The following HUNK variants were observed in gnomAD, a reference collection of about 807,000 sequenced individuals.
HUNK encodes hormonally up-regulated neu tumor-associated kinase.
Under a neutral mutation model 61.0 loss-of-function variants are expected in HUNK, and 21 were observed. That is an observed-to-expected ratio of 0.34 (90% CI 0.24 to 0.50). The LOEUF (loss-of-function observed/expected upper bound fraction) is 0.50. Among genes scored for constraint, HUNK ranks in the 20% least tolerant of loss-of-function variants. HUNK has a pLI of 0.98. For missense variants in HUNK, 772 were observed against 945.7 expected, an observed-to-expected ratio of 0.82 and a Z score of 2.41; for synonymous variants, 371 against 386.1, an observed-to-expected ratio of 0.96 and a Z score of 0.46.
chr21:31,925,172 G>A (rs16988644), intron 2 of HUNK, among the ~76,000 whole-genome samples: 8,624 of 152,230 alleles, frequency 0.057, 826 homozygotes, highest in African/African-American at 0.2. Context: ...TAATGCCAGT[G>A]TGAGGGTTAA....
At chr21:31,884,322 G>A (rs1401379281) in intron 1 of HUNK, among the ~76,000 whole-genome samples, 1 of 152,132 alleles carries the variant, frequency 6.6e-6, no homozygotes, top group Admixed American at 6.6e-5. Context: ...GCCAGGCATG[G>A]TGGCTCACAC....
At chr21:31,899,629 T>G (rs1394175658) in intron 1 of HUNK, among the ~76,000 whole-genome samples, 1 of 152,236 alleles carries the variant, frequency 6.6e-6, no homozygotes, top group Admixed American at 6.5e-5. Flanking sequence ...TAACCTATAA[T>G]GTGTTCTAAA....
chr21:31,994,894 C>T (rs2053193531), intron 9 of HUNK, among the ~76,000 whole-genome samples: 1 of 152,234 alleles, frequency 6.6e-6, no homozygotes, highest in Non-Finnish European at 1.5e-5. Context: ...TGGCTCACAT[C>T]TATAGTCCCA....
At chr21:31,917,785 C>T (rs1030110472) in intron 1 of HUNK, among the ~76,000 whole-genome samples, 2 of 150,024 alleles carry the variant, frequency 1.3e-5, no homozygotes, top group Admixed American at 6.7e-5. Flanking sequence ...AGTTCCCTGG[C>T]GGCATTGGCT....
chr21:31,942,803 A>T (rs1299067560), intron 3 of HUNK, among the ~76,000 whole-genome samples: 1 of 152,194 alleles, frequency 6.6e-6, no homozygotes, highest in African/African-American at 2.4e-5. Context: ...TTTGTTAAAG[A>T]TGCCAATTTG....
rs2052643949 is a variant in HUNK, at chr21:31,924,266, A to ATATG, written c.262-201_262-200insATGT. Among the ~76,000 whole-genome samples, 1 of 81,318 alleles carries ATATG rather than the reference A, an allele frequency of 1.2e-5. No individual in the cohort carries two copies. 53.3% of individuals were successfully genotyped at this position (81,318 alleles called of 152,430 possible). On this transcript the variant is annotated intron_variant, in intron 1 of 10. Coordinates refer to ENST00000270112, the MANE Select transcript of HUNK (RefSeq NM_014586.2). The surrounding 1 kb of genome is among the most constrained non-coding windows in gnomAD (Gnocchi z 5.1). ...TGATTTTTCCTAATGTTGTACCTAT[A>ATATG]TGTGTGTGTGTGTGTGTGTTTGTGT...
rs575329128 is a variant in HUNK, at chr21:31,949,724, C to T, written c.746+3553C>T. On this transcript the variant is annotated intron_variant, in intron 4 of 10. Coordinates refer to ENST00000270112, the MANE Select transcript of HUNK (RefSeq NM_014586.2). ...ATAAGGAAAAGAGCTCTATTTGGCT[C>T]ATGGTTCTGCAGGCTGTACAAGAAG... is the stretch of plus-strand genomic sequence containing the variant. 4.6e-4 allele frequency among the ~76,000 whole-genome samples: 70 copies of T among 152,258 alleles called. 1 individual carries two copies. Among genetic ancestry groups the T allele is most frequent in the Admixed American group, 3.8e-3 (58 of 15,292 alleles).
intron 4 of HUNK, among the ~76,000 whole-genome samples, chr21:31,958,024 C>T (rs1235252877): frequency 6.6e-6 from 1 of 152,182 alleles, no homozygotes; most frequent in African/African-American, 2.4e-5. Context: ...CAGCCTTTTC[C>T]AGGTACCACC....
chr21:31,918,766 A>G (rs2052602327), intron 1 of HUNK, among the ~76,000 whole-genome samples: 1 of 152,184 alleles, frequency 6.6e-6, no homozygotes, highest in Non-Finnish European at 1.5e-5. Context: ...CAGCCTCCCC[A>G]TCTGAAGACC....
rs115895521 is a variant in HUNK, at chr21:31,996,591, A to C, written c.1486+643A>C. ...GGCAGACCTTACTGGGCACAGGCTT[A>C]ACACATGGTAGAAACGCCAAGAGGG... On this transcript the variant is annotated intron_variant, in intron 10 of 10. Coordinates refer to ENST00000270112, the MANE Select transcript of HUNK (RefSeq NM_014586.2). 4.9e-3 allele frequency among the ~76,000 whole-genome samples: 743 copies of C among 152,306 alleles called. 8 individuals are homozygous for C. The highest frequency in any genetic ancestry group is 0.017 in the African/African-American group (717 of 41,544).
intron 4 of HUNK, among the ~76,000 whole-genome samples, chr21:31,951,303 C>T (rs913572362): frequency 6.6e-6 from 1 of 151,986 alleles, no homozygotes; most frequent in Non-Finnish European, 1.5e-5. Context: ...ACTTTTATTA[C>T]TGTGAATTGA....
At chr21:31,945,278 T>C (rs1238158780) in intron 3 of HUNK, among the ~76,000 whole-genome samples, 1 of 152,092 alleles carries the variant, frequency 6.6e-6, no homozygotes, top group Non-Finnish European at 1.5e-5. Context: ...AAGATAAACA[T>C]GGCGCAGAAG....
At chr21:31,885,294 C>G (rs551734521) in intron 1 of HUNK, among the ~76,000 whole-genome samples, 2 of 152,180 alleles carry the variant, frequency 1.3e-5, no homozygotes, top group South Asian at 4.1e-4. Context: ...ACAGTGCATG[C>G]GCCTTGGCAC....
At chr21:31,960,336 A>G (rs1780918688) in intron 5 of HUNK, among the ~76,000 whole-genome samples, 1 of 152,218 alleles carries the variant, frequency 6.6e-6, no homozygotes, top group South Asian at 2.1e-4. Context: ...TAAGTGCTCT[A>G]AAGAAAGTAA....
Position 31,924,020 on chromosome 21 carries a change from T to C in HUNK, c.262-448T>C, listed in dbSNP as rs1829158602. On this transcript the variant is annotated intron_variant, in intron 1 of 10. Coordinates refer to ENST00000270112, the MANE Select transcript of HUNK (RefSeq NM_014586.2). This position sits in a 1 kb window ranked among gnomAD's most constrained non-coding sequence, Gnocchi z 5.1. ...TTGGAACTAAGATTGGGGGAAGATT[T>C]AGCTGTTTCTGAAGTGGCTGGGGGT... Among the ~76,000 whole-genome samples, 1 of 152,098 alleles carries C rather than the reference T, an allele frequency of 6.6e-6. No homozygotes were observed. The highest frequency in any genetic ancestry group is 6.5e-5 in the Admixed American group (1 of 15,268).
intron 6 of HUNK, among the ~76,000 whole-genome samples, chr21:31,969,125 C>G (rs2052991861): frequency 1.3e-5 from 2 of 152,022 alleles, no homozygotes; most frequent in South Asian, 4.1e-4. Flanking sequence ...GATCCGCCTG[C>G]CTTGGCCTCC....
At position 31,974,671 on chromosome 21, in the gene HUNK, C is replaced by T; in HGVS notation, c.1127C>T (p.Ala376Val). The T allele has an allele frequency of 6.2e-7, 1 of 1,613,946 alleles. No individual in the cohort carries two copies. The highest frequency in any genetic ancestry group is 8.5e-7 in the Non-Finnish European group (1 of 1,179,948). ...VLSNRACHIL[A>V]IYFLLNKKLE... Reference sequence around the variant, plus strand: ...TCCAACCGCGCCTGCCACATCCTGGCCATCTACTTCCTCTTAAACAAGAAA... The same window carrying T: ...TCCAACCGCGCCTGCCACATCCTGGTCATCTACTTCCTCTTAAACAAGAAA... The change falls in exon 7 of 11, where the codon GCC becomes GTC. Residue 376 changes from alanine to valine, a missense_variant. Physicochemically the swap from Ala to Val is moderately conservative, Grantham distance 64 (BLOSUM62 0). Around this residue, in one of 2 missense-constraint regions of HUNK, gnomAD observed 413 missense variants for 444.4 expected, o/e 0.93. Transcript: ENST00000270112.
intron 2 of HUNK, among the ~76,000 whole-genome samples, chr21:31,933,901 A>G (rs1332472906): frequency 1.3e-5 from 2 of 152,114 alleles, no homozygotes; most frequent in African/African-American, 2.4e-5. Flanking sequence ...CCATGAAAGA[A>G]GTTAATCAGA....
At chr21:31,920,252 C>T (rs1345342328) in intron 1 of HUNK, among the ~76,000 whole-genome samples, 2 of 152,212 alleles carry the variant, frequency 1.3e-5, no homozygotes, top group African/African-American at 2.4e-5. Flanking sequence ...GTAATCTAGG[C>T]TAATCTCATC....
Sources: gnomAD v4.1 joint callset for allele counts (sites outside exome capture counted in the v4.1 genomes callset) on GRCh38, gnomAD v4.1.1 for gene constraint, gnomAD v4.1.1 regional missense constraint, Gnocchi (gnomAD v3.1) non-coding constraint, MANE v1.5 for transcripts, NCBI Gene and HGNC (gene_info 2026-07-23, HGNC 2026-07-21) for gene names.